Variants in STX8 observed in about 807,000 individuals in gnomAD.
The protein encoded by STX8 is syntaxin 8, also known as syntaxin-8.
In STX8, 23 loss-of-function variants were observed where a neutral mutation model predicts 37.5. The ratio of observed to expected loss-of-function variants is 0.61; its 90% CI spans 0.44 to 0.87. STX8 has a LOEUF of 0.87. STX8 is among the 40% of genes least tolerant of loss of function. The pLI, the probability that STX8 is intolerant of heterozygous loss-of-function variation, is 0.00. For missense variants in STX8, 313 were observed against 284.7 expected (o/e 1.10, Z -0.71); for synonymous variants, 115 against 99.1 (o/e 1.16, Z -0.95).
In STX8 at chr17:9,394,027, G is replaced by C. The variant is rs1239570304; in HGVS notation, c.542-15374C>G. 2.0e-5 allele frequency among the ~76,000 whole-genome samples: 3 copies of C among 152,026 alleles called. No individual in the cohort carries two copies. In the East Asian group the frequency reaches 5.8e-4, roughly 29 times the overall value. On this transcript the variant is annotated intron_variant, in intron 6 of 7. Transcript: ENST00000306357. ...AATATACAAGAGAGATACAGGTAAAGGTAGAATCTAAGAGAACACAGTATG... is the reference window on the plus strand; with the variant it reads ...AATATACAAGAGAGATACAGGTAAACGTAGAATCTAAGAGAACACAGTATG...
chr17:9,332,928 A>G (rs1399852079), intron 7 of STX8, among the ~76,000 whole-genome samples: 3 of 152,198 alleles, frequency 2.0e-5, no homozygotes, highest in Non-Finnish European at 4.4e-5. Context: ...AATGCATCCC[A>G]TCTTTAAAAG....
At chr17:9,357,917 G>C (rs1910939315) in intron 7 of STX8, among the ~76,000 whole-genome samples, 1 of 152,124 alleles carries the variant, frequency 6.6e-6, no homozygotes, top group Non-Finnish European at 1.5e-5. Context: ...TTAGTTTCCA[G>C]AATAAGTAGC....
chr17:9,482,478 C>T (rs1005674399), intron 6 of STX8, among the ~76,000 whole-genome samples: 5 of 152,028 alleles, frequency 3.3e-5, no homozygotes, highest in Non-Finnish European at 5.9e-5. Flanking sequence ...TCAGATAATA[C>T]ATGAAGAAAT....
chr17:9,452,969 C>A (rs955979908), intron 6 of STX8, among the ~76,000 whole-genome samples: 3 of 152,040 alleles, frequency 2.0e-5, no homozygotes, highest in African/African-American at 7.2e-5. Context: ...CCACGCCCAG[C>A]TAATTTTTGT....
At chr17:9,346,036 C>T (rs555337864) in intron 7 of STX8, among the ~76,000 whole-genome samples, 220 of 151,578 alleles carry the variant, frequency 1.5e-3, no homozygotes, top group Non-Finnish European at 2.4e-3. Flanking sequence ...ATTTTTAGTA[C>T]AGATGGGGTT....
rs143643616 is a variant in STX8, at chr17:9,513,169, T to G, written c.324-8007A>C. Among the ~76,000 whole-genome samples, 3 of 151,890 alleles carry G rather than the reference T, an allele frequency of 2.0e-5. No individual in the cohort carries two copies. In the South Asian group the frequency reaches 6.2e-4, roughly 32 times the overall value. ...CAAAATATGTAAGGAACTCAAAATATCTCAATGGCAAAAATCATAATAATA... is the reference window on the plus strand; with the variant it reads ...CAAAATATGTAAGGAACTCAAAATAGCTCAATGGCAAAAATCATAATAATA... On this transcript the variant is annotated intron_variant, in intron 4 of 7. Transcript: ENST00000306357.
intron 7 of STX8, among the ~76,000 whole-genome samples, chr17:9,288,962 G>C (rs541655463): frequency 6.6e-6 from 1 of 152,258 alleles, no homozygotes. Flanking sequence ...ACAATAACGG[G>C]GGTAAGCGGG....
intron 7 of STX8, among the ~76,000 whole-genome samples, chr17:9,321,896 G>T (rs1179534186): frequency 6.6e-6 from 1 of 152,210 alleles, no homozygotes; most frequent in Non-Finnish European, 1.5e-5. Flanking sequence ...ATTGACTCTG[G>T]AGATCAGGAC....
At chr17:9,259,960 G>GTTAGCCATGGTGGC (rs1906947960) in intron 7 of STX8, among the ~76,000 whole-genome samples, 1 of 152,204 alleles carries the variant, frequency 6.6e-6, no homozygotes, top group Non-Finnish European at 1.5e-5. Context: ...GCTAACGCCT[G>GTTAGCCATGGTGGC]TAATCCCAGC....
intron 6 of STX8, among the ~76,000 whole-genome samples, chr17:9,384,149 G>A (rs1441778972): frequency 3.4e-5 from 5 of 148,106 alleles, no homozygotes. Context: ...TCATATATTG[G>A]TTGCTCATTT....
intron 5 of STX8, among the ~76,000 whole-genome samples, 193 bp downstream of exon 5, chr17:9,504,845 G>A (rs755050946): frequency 4.0e-5 from 6 of 151,570 alleles, no homozygotes; most frequent in East Asian, 1.9e-4. Flanking sequence ...ATGGTGGCAC[G>A]CACCTGTAGT....
intron 6 of STX8, among the ~76,000 whole-genome samples, chr17:9,458,301 T>C (rs1905243053): frequency 6.6e-6 from 1 of 150,826 alleles, no homozygotes. Flanking sequence ...AGGCGACCAC[T>C]GCCACGCCTG....
At chr17:9,389,686 C>A (rs148527520) in intron 6 of STX8, among the ~76,000 whole-genome samples, 2 of 152,008 alleles carry the variant, frequency 1.3e-5, no homozygotes, top group Non-Finnish European at 2.9e-5. Context: ...ATACTCATAA[C>A]GGACTCATAA....
At chr17:9,520,278 A>G (rs1339505964) in intron 4 of STX8, among the ~76,000 whole-genome samples, 2 of 152,244 alleles carry the variant, frequency 1.3e-5, no homozygotes, top group Admixed American at 6.5e-5. Context: ...CCTGCCTTCA[A>G]GACTTCAGCA....
chr17:9,499,311 A>AGGCTC (rs1442095100), intron 5 of STX8, among the ~76,000 whole-genome samples: 1 of 152,226 alleles, frequency 6.6e-6, no homozygotes, highest in Non-Finnish European at 1.5e-5. Flanking sequence ...GAGGCAGAGA[A>AGGCTC]AAGGCTAATA....
At chr17:9,276,652 T>C in intron 7 of STX8, among the ~76,000 whole-genome samples, 1 of 151,956 alleles carries the variant, frequency 6.6e-6, no homozygotes, top group East Asian at 1.9e-4. Context: ...GTTGTTGTTT[T>C]TGAGATGGAG....
At chr17:9,493,997 TTTTTTGTTTTG>T (rs1462252369) in intron 5 of STX8, among the ~76,000 whole-genome samples, 2 of 63,098 alleles carry the variant, frequency 3.2e-5, no homozygotes, top group Admixed American at 3.6e-4. Context: ...TGTTTTGTTT[TTTTTTGTTTTG>T]TTTTTTTGTT....
intron 7 of STX8, among the ~76,000 whole-genome samples, chr17:9,327,070 T>C (rs1474335063): frequency 6.6e-6 from 1 of 150,748 alleles, no homozygotes; most frequent in Non-Finnish European, 1.5e-5. Flanking sequence ...GGCAGGAGAA[T>C]CGCTTGAACC....
chr17:9,275,491 T>C (rs1337152343), intron 7 of STX8, among the ~76,000 whole-genome samples: 1 of 152,212 alleles, frequency 6.6e-6, no homozygotes, highest in Non-Finnish European at 1.5e-5. Flanking sequence ...GTAAGTCTGC[T>C]GGAGAGCAGA....
Sources: gnomAD v4.1 joint callset for allele counts (sites outside exome capture counted in the v4.1 genomes callset) on GRCh38, gnomAD v4.1.1 for gene constraint, MANE v1.5 for transcripts, NCBI Gene and HGNC (gene_info 2026-07-23, HGNC 2026-07-21) for gene names.